The following SYNE1 variants were observed in gnomAD, a reference collection of about 807,000 sequenced individuals.
SYNE1 encodes the protein spectrin repeat containing nuclear envelope protein 1.
In SYNE1, 616 loss-of-function variants were observed where a neutral mutation model predicts 1,111.0. That is an observed-to-expected ratio of 0.55 (90% CI 0.52 to 0.59). The LOEUF is 0.59. Ranked by LOEUF, SYNE1 falls within the 20% of genes least tolerant of loss-of-function variation. The pLI is 0.00. For missense variants in SYNE1, 10,006 were observed against 10,417.0 expected (o/e 0.96, Z 1.72); for synonymous variants, 3,855 against 3,825.8 (o/e 1.01, Z -0.28).
At chr6:152,294,727 A>C (rs866730149) in intron 93 of SYNE1, among the ~76,000 whole-genome samples, 5 of 152,278 alleles carry the variant, frequency 3.3e-5, no homozygotes, top group Admixed American at 1.3e-4. Flanking sequence ...TATACACACA[A>C]AAAAAACAAA....
intron 4 of SYNE1, among the ~76,000 whole-genome samples, chr6:152,539,032 T>G (rs1403352953): frequency 6.6e-6 from 1 of 152,182 alleles, no homozygotes; most frequent in Non-Finnish European, 1.5e-5. Context: ...TTCTGCGCTA[T>G]CAAAATGGCT....
chr6:152,324,193 G>A (rs1170732096), intron 81 of SYNE1, among the ~76,000 whole-genome samples: 1 of 151,918 alleles, frequency 6.6e-6, no homozygotes, highest in Non-Finnish European at 1.5e-5. Flanking sequence ...GAGGTCAGGA[G>A]CTTGAGACAA....
At chr6:152,413,271 A>G in intron 42 of SYNE1, 81 bp downstream of exon 42, 2 of 1,426,956 alleles carry the variant, frequency 1.4e-6, no homozygotes, top group Non-Finnish European at 2.0e-6. Flanking sequence ...TACTGATCAC[A>G]TCAACACAAA....
At chr6:152,338,009 A>G (rs1214355180) in intron 75 of SYNE1, among the ~76,000 whole-genome samples, 1 of 152,024 alleles carries the variant, frequency 6.6e-6, no homozygotes, top group African/African-American at 2.4e-5. Flanking sequence ...GTAGCCAGGC[A>G]TGGTGGTGTG....
At chr6:152,359,479 A>G (rs1276123182) in intron 64 of SYNE1, 21 bp from the exon 65 acceptor site, 1 of 1,614,150 alleles carries the variant, frequency 6.2e-7, no homozygotes, top group Admixed American at 1.7e-5. Context: ...TTTAAGAAAA[A>G]TAAAGTGGCC....
chr6:152,365,642 T>C (rs1398285556), intron 62 of SYNE1, among the ~76,000 whole-genome samples: 1 of 151,860 alleles, frequency 6.6e-6, no homozygotes, highest in African/African-American at 2.4e-5. Flanking sequence ...ATGTTTTTTT[T>C]TTTTTGTAAA....
At chr6:152,562,134 G>A (rs545943579) in intron 3 of SYNE1, among the ~76,000 whole-genome samples, 1 of 152,158 alleles carries the variant, frequency 6.6e-6, no homozygotes, top group Non-Finnish European at 1.5e-5. Flanking sequence ...CCTAGGGAGT[G>A]GAGAAAATAT....
At chr6:152,552,367 T>C (rs2099350166) in intron 3 of SYNE1, among the ~76,000 whole-genome samples, 1 of 151,780 alleles carries the variant, frequency 6.6e-6, no homozygotes, top group Non-Finnish European at 1.5e-5. Flanking sequence ...TTACTGCTAA[T>C]ATTATTTCTT....
chr6:152,612,979 G>T (rs2099636086), intron 3 of SYNE1, among the ~76,000 whole-genome samples: 1 of 152,102 alleles, frequency 6.6e-6, no homozygotes, highest in Non-Finnish European at 1.5e-5. Flanking sequence ...AATAAACTAG[G>T]TATTGAGGGA....
chr6:152,207,408 C>G (rs546906872), intron 125 of SYNE1, among the ~76,000 whole-genome samples: 4 of 152,272 alleles, frequency 2.6e-5, no homozygotes, highest in Admixed American at 1.3e-4. Flanking sequence ...CAGTTGAAGT[C>G]ATGTCTGCGA....
intron 133 of SYNE1, among the ~76,000 whole-genome samples, chr6:152,154,487 G>A (rs1349316582): frequency 1.1e-4 from 15 of 136,648 alleles, no homozygotes. Context: ...CACACACACT[G>A]CGATTAGGTA....
At chr6:152,481,548 T>C (rs1243364871) in intron 14 of SYNE1, 1 of 453,698 alleles carries the variant, frequency 2.2e-6, no homozygotes, top group Admixed American at 2.4e-5. Flanking sequence ...CCCCTGAATC[T>C]GCAATTTAAA....
chr6:152,285,894 T>G (rs966944912), intron 95 of SYNE1, among the ~76,000 whole-genome samples: 2 of 152,194 alleles, frequency 1.3e-5, no homozygotes, highest in Non-Finnish European at 2.9e-5. Context: ...TATTTAGGAT[T>G]TCAATGAAGT....
intron 4 of SYNE1, among the ~76,000 whole-genome samples, chr6:152,531,066 G>A (rs111388179): frequency 1.6e-4 from 25 of 152,214 alleles, no homozygotes; most frequent in Middle Eastern, 3.4e-3. Flanking sequence ...CGGTATCACA[G>A]TGCCTGTGTT....
chr6:152,145,721 T>C, intron 137 of SYNE1: 2 of 675,786 alleles, frequency 3.0e-6, no homozygotes, highest in Non-Finnish European at 5.3e-6. Context: ...TTTCCTGAAA[T>C]GAATCATAAG....
intron 3 of SYNE1, among the ~76,000 whole-genome samples, chr6:152,556,847 G>A (rs529045480): frequency 6.6e-5 from 10 of 152,232 alleles, no homozygotes; most frequent in Non-Finnish European, 1.3e-4. Flanking sequence ...ACTGGCAAAT[G>A]TGCCTATGTC....
intron 3 of SYNE1, among the ~76,000 whole-genome samples, chr6:152,597,824 C>T (rs1285747286): frequency 6.6e-6 from 1 of 152,136 alleles, no homozygotes; most frequent in Non-Finnish European, 1.5e-5. Flanking sequence ...TCTAGAAAAT[C>T]TCCCTTTTTC....
At chr6:152,141,119 C>G (rs986138374) in intron 139 of SYNE1, 84 bp downstream of exon 139, 17 of 1,584,992 alleles carry the variant, frequency 1.1e-5, no homozygotes, top group African/African-American at 2.7e-5. Context: ...GAAGGCCAAG[C>G]CCCCTAAGTG....
chr6:152,127,703 GA>G (rs1464906021), intron 145 of SYNE1: 5 of 152,154 alleles, frequency 3.3e-5, no homozygotes, highest in Admixed American at 2.0e-4. Context: ...CCTTAGAGGG[GA>G]GAGGCTCTGT....
Sources: allele counts gnomAD v4.1 joint callset (sites outside exome capture counted in the v4.1 genomes callset), GRCh38; gene constraint gnomAD v4.1.1; transcripts MANE v1.5; gene names NCBI Gene and HGNC (gene_info 2026-07-23, HGNC 2026-07-21).